Variants in NLGN1 observed in about 807,000 individuals in gnomAD.
The protein encoded by NLGN1 is neuroligin 1.
Under a neutral mutation model 65.5 loss-of-function variants are expected in NLGN1, and 12 were observed. The observed-to-expected ratio is 0.18, with a 90% CI of 0.12 to 0.30. NLGN1 has a LOEUF of 0.30. NLGN1 is among the 10% of genes least tolerant of loss of function. The pLI, the probability that NLGN1 is intolerant of heterozygous loss-of-function variation, is 1.00. For synonymous variants in NLGN1, 350 were observed against 359.5 expected, an observed-to-expected ratio of 0.97 and a Z score of 0.30; for missense variants, 750 against 1,007.1, an observed-to-expected ratio of 0.74 and a Z score of 3.46.
intron 4 of NLGN1, among the ~76,000 whole-genome samples, chr3:173,886,158 A>T (rs755785900): frequency 6.6e-6 from 1 of 152,118 alleles, no homozygotes; most frequent in African/African-American, 2.4e-5. Context: ...TCGTGGCAAC[A>T]TGTGTACTGT....
rs547888800 is a variant in NLGN1, at chr3:173,700,995, G to A, written c.493+95904G>A. On this transcript the variant is annotated intron_variant, in intron 3 of 6. Transcript: ENST00000457714. ...AAAAAATTAGCTGGGCGTGGTGGCG[G>A]GCGCCTGTAGTCCCAGCTACTCGGG... Among the ~76,000 whole-genome samples, 289 of 152,154 alleles carry A rather than the reference G, an allele frequency of 1.9e-3. No individual in the cohort carries two copies. The Middle Eastern group carries it at 0.034, about 18-fold the overall frequency.
At chr3:174,237,686 A>G (rs1741988731) in intron 4 of NLGN1, among the ~76,000 whole-genome samples, 1 of 152,120 alleles carries the variant, frequency 6.6e-6, no homozygotes, top group Non-Finnish European at 1.5e-5. Context: ...TCTCCCAAGT[A>G]GCTAGAATTA....
At chr3:173,975,308 T>A (rs558310412) in intron 4 of NLGN1, among the ~76,000 whole-genome samples, 1 of 152,114 alleles carries the variant, frequency 6.6e-6, no homozygotes, top group East Asian at 1.9e-4. Flanking sequence ...AAATCTCTCC[T>A]CTTTGCCCTT....
chr3:173,522,690 C>T (rs1385831789), intron 2 of NLGN1, among the ~76,000 whole-genome samples: 3 of 152,124 alleles, frequency 2.0e-5, no homozygotes, highest in Non-Finnish European at 4.4e-5. Flanking sequence ...ACCTTGGCCT[C>T]CCAAAGTGCT....
intron 4 of NLGN1, among the ~76,000 whole-genome samples, chr3:174,257,865 G>A (rs1174681930): frequency 1.2e-4 from 18 of 150,904 alleles, no homozygotes; most frequent in Admixed American, 1.2e-3. Flanking sequence ...ACAAAGTATT[G>A]ATCCTGGGAT....
intron 1 of NLGN1, among the ~76,000 whole-genome samples, chr3:173,427,891 T>C (rs1274707716): frequency 6.6e-6 from 1 of 151,488 alleles, no homozygotes; most frequent in African/African-American, 2.4e-5. Flanking sequence ...GACTTGTTCA[T>C]TGCTTAAAGA....
intron 3 of NLGN1, among the ~76,000 whole-genome samples, chr3:173,737,727 A>G (rs1774000819): frequency 6.6e-6 from 1 of 152,100 alleles, no homozygotes. Flanking sequence ...TTCATGTACA[A>G]GAATTTGCAT....
chr3:174,023,911 T>TG (rs988392912), intron 4 of NLGN1, among the ~76,000 whole-genome samples: 27 of 151,960 alleles, frequency 1.8e-4, no homozygotes, highest in Non-Finnish European at 3.4e-4. Context: ...AATAACACCT[T>TG]GGGGGGAGGT....
At chr3:174,062,931 C>A (rs1737726487) in intron 4 of NLGN1, among the ~76,000 whole-genome samples, 2 of 152,026 alleles carry the variant, frequency 1.3e-5, no homozygotes, top group African/African-American at 2.4e-5. Flanking sequence ...CTGATCATAA[C>A]AACCAGAACC....
intron 3 of NLGN1, among the ~76,000 whole-genome samples, chr3:173,744,569 C>A (rs551333962): frequency 6.6e-6 from 1 of 152,090 alleles, no homozygotes; most frequent in East Asian, 1.9e-4. Flanking sequence ...AAGGTAACAA[C>A]GTAGCTGAGA....
At chr3:174,148,540 ATAAT>A (rs928574072) in intron 4 of NLGN1, among the ~76,000 whole-genome samples, 2 of 152,160 alleles carry the variant, frequency 1.3e-5, no homozygotes, top group Admixed American at 6.5e-5. Context: ...TCAGTAACAT[ATAAT>A]TAATACTCAG....
chr3:173,750,568 A>G (rs1390158096), intron 3 of NLGN1, among the ~76,000 whole-genome samples: 1 of 152,140 alleles, frequency 6.6e-6, no homozygotes, highest in Non-Finnish European at 1.5e-5. Flanking sequence ...GAACACAGGT[A>G]CAAGTAGTAG....
chr3:173,497,388 C>CAAA (rs1456835401), intron 2 of NLGN1, among the ~76,000 whole-genome samples: 1 of 140,054 alleles, frequency 7.1e-6, no homozygotes, highest in South Asian at 2.2e-4. Context: ...AACTCCATCT[C>CAAA]AAAATAAATA....
rs35370304 is a variant in NLGN1, at chr3:173,675,887, T to TCACA, written c.493+70828_493+70831dup. 9.0e-3 allele frequency among the ~76,000 whole-genome samples: 1,245 copies of TCACA among 138,624 alleles called. 16 individuals carry two copies. The highest frequency in any genetic ancestry group is 0.03 in the African/African-American group (1,073 of 35,694). The allele number at this position is 138,624 out of a possible 152,430, so 90.9% of individuals were successfully genotyped here. A position where few individuals can be genotyped will look rare whatever the true frequency, so the allele number is the denominator to read the frequency against. On this transcript the variant is annotated intron_variant, in intron 3 of 6. Coordinates refer to ENST00000457714, the Ensembl canonical transcript of NLGN1. ...CTCTTTGTCTCTCTCTCTCTCTCTC[T>TCACA]CACACACACACACACACACACACAC...
intron 3 of NLGN1, among the ~76,000 whole-genome samples, chr3:173,672,203 T>G (rs1762542362): frequency 6.6e-6 from 1 of 152,012 alleles, no homozygotes; most frequent in South Asian, 2.1e-4. Flanking sequence ...TAAAATAAAA[T>G]AAAGAAAGGA....
intron 4 of NLGN1, among the ~76,000 whole-genome samples, chr3:174,055,341 T>G (rs775047664): frequency 6.6e-6 from 1 of 151,850 alleles, no homozygotes; most frequent in Non-Finnish European, 1.5e-5. Context: ...AAAAAAAATT[T>G]TGAACCAACG....
At chr3:174,102,309 A>G (rs1207030427) in intron 4 of NLGN1, among the ~76,000 whole-genome samples, 1 of 152,164 alleles carries the variant, frequency 6.6e-6, no homozygotes, top group Non-Finnish European at 1.5e-5. Flanking sequence ...TTTTAATACG[A>G]AAATTATCTC....
intron 3 of NLGN1, among the ~76,000 whole-genome samples, chr3:173,760,480 GTTTTA>G (rs1777812608): frequency 3.3e-5 from 5 of 151,796 alleles, no homozygotes; most frequent in Non-Finnish European, 5.9e-5. Context: ...TTTTATTCTT[GTTTTA>G]CTTTAGAAGT....
intron 2 of NLGN1, among the ~76,000 whole-genome samples, chr3:173,583,574 A>G (rs1429870968): frequency 2.6e-5 from 4 of 152,362 alleles, no homozygotes; most frequent in African/African-American, 9.6e-5. Context: ...TCACAATGAA[A>G]GAGAATTCAA....
Sources: gnomAD v4.1 joint callset for allele counts (sites outside exome capture counted in the v4.1 genomes callset) on GRCh38, gnomAD v4.1.1 for gene constraint, MANE v1.5 for transcripts, NCBI Gene and HGNC (gene_info 2026-07-23, HGNC 2026-07-21) for gene names.